IQCM: variants seen among roughly 807,000 people sequenced by gnomAD.
IQCM encodes the protein IQ domain-containing protein M.
In IQCM, 45 loss-of-function variants were observed where a neutral mutation model predicts 57.6. The observed-to-expected ratio is 0.78, with a 90% CI of 0.62 to 1.00. IQCM has a LOEUF of 1.00. Ranked by LOEUF, IQCM falls within the 50% of genes least tolerant of loss-of-function variation. The probability of loss-of-function intolerance (pLI) is 0.00; values close to 1 mark genes in which losing one functional copy is unlikely to be tolerated. For missense variants in IQCM, 468 were observed against 511.6 expected, an observed-to-expected ratio of 0.91 and a Z score of 0.82; for synonymous variants, 148 against 158.9, an observed-to-expected ratio of 0.93 and a Z score of 0.51.
chr4:149,494,373 T>G (rs889756928), intron 12 of IQCM, among the ~76,000 whole-genome samples: 1 of 152,148 alleles, frequency 6.6e-6, no homozygotes, highest in African/African-American at 2.4e-5. Context: ...TAGGTATGAA[T>G]GTCATTCAAA....
chr4:149,487,249 G>A (rs563668935), intron 12 of IQCM, among the ~76,000 whole-genome samples: 5 of 152,242 alleles, frequency 3.3e-5, no homozygotes, highest in East Asian at 3.9e-4. Flanking sequence ...CTGGAACAGG[G>A]ACCTCACAAC....
At chr4:149,767,408 T>C (rs1447169947) in intron 2 of IQCM, among the ~76,000 whole-genome samples, 1 of 152,108 alleles carries the variant, frequency 6.6e-6, no homozygotes, top group Non-Finnish European at 1.5e-5. Context: ...TGAAAGATTA[T>C]TACCTGTATT....
intron 13 of IQCM, among the ~76,000 whole-genome samples, chr4:149,371,171 A>G (rs1730342743): frequency 6.6e-6 from 1 of 152,166 alleles, no homozygotes; most frequent in Non-Finnish European, 1.5e-5. Flanking sequence ...TTTATAGGGT[A>G]AATATGCTCA....
intron 13 of IQCM, among the ~76,000 whole-genome samples, chr4:149,408,932 T>C (rs542678690): frequency 1.3e-5 from 2 of 152,314 alleles, no homozygotes; most frequent in South Asian, 4.1e-4. Context: ...TGCTTCAACC[T>C]AGCTGTTCAA....
At chr4:149,808,934 A>G (rs922697391) in intron 2 of IQCM, among the ~76,000 whole-genome samples, 1 of 152,208 alleles carries the variant, frequency 6.6e-6, no homozygotes, top group African/African-American at 2.4e-5. Flanking sequence ...GGAAGTAAAA[A>G]GGTAGCAAAC....
At chr4:149,489,241 T>A (rs187883979) in intron 12 of IQCM, among the ~76,000 whole-genome samples, 127 of 152,222 alleles carry the variant, frequency 8.3e-4, no homozygotes, top group African/African-American at 2.9e-3. Context: ...TGCATTTTTT[T>A]AAAATTTCGA....
At chr4:149,716,405 C>T (rs28578379) in intron 5 of IQCM, among the ~76,000 whole-genome samples, 36,109 of 152,138 alleles carry the variant, frequency 0.24, 4,468 homozygotes, top group African/African-American at 0.3. Flanking sequence ...GGCCAGCCAG[C>T]AGGAACAGGC....
At chr4:149,702,503 T>C (rs1334741727) in intron 5 of IQCM, among the ~76,000 whole-genome samples, 1 of 151,870 alleles carries the variant, frequency 6.6e-6, no homozygotes, top group African/African-American at 2.4e-5. Context: ...ACACCTGACA[T>C]AAATTAAGCA....
intron 7 of IQCM, among the ~76,000 whole-genome samples, chr4:149,663,496 C>G (rs541705966): frequency 6.6e-6 from 1 of 152,146 alleles, no homozygotes; most frequent in African/African-American, 2.4e-5. Context: ...TGAATTCCCT[C>G]AGCTTTTGCT....
At chr4:149,483,121 T>C (rs1246911697) in intron 12 of IQCM, among the ~76,000 whole-genome samples, 2 of 151,928 alleles carry the variant, frequency 1.3e-5, no homozygotes, top group African/African-American at 4.8e-5. Context: ...ATGTTTCCTT[T>C]TTCATCACTG....
chr4:149,633,438 T>A (rs2090162680), intron 7 of IQCM, among the ~76,000 whole-genome samples: 1 of 152,070 alleles, frequency 6.6e-6, no homozygotes, highest in African/African-American at 2.4e-5. Flanking sequence ...ATTAATGCTT[T>A]AGGTGTTATC....
At chr4:149,597,734 T>C (rs1753912550) in intron 8 of IQCM, among the ~76,000 whole-genome samples, 1 of 152,170 alleles carries the variant, frequency 6.6e-6, no homozygotes, top group Non-Finnish European at 1.5e-5. Context: ...ACAGAAATTA[T>C]AGAAGACAGA....
intron 8 of IQCM, among the ~76,000 whole-genome samples, chr4:149,606,313 G>A (rs899975156): frequency 2.0e-5 from 3 of 152,136 alleles, no homozygotes; most frequent in Non-Finnish European, 4.4e-5. Context: ...CCCAAGAGTT[G>A]CAATATTCCT....
chr4:149,685,460 G>C (rs1479890373), intron 6 of IQCM, among the ~76,000 whole-genome samples: 1 of 151,216 alleles, frequency 6.6e-6, no homozygotes, highest in Admixed American at 6.6e-5. Flanking sequence ...TAGTATTAAG[G>C]CTGTGTATAT....
intron 11 of IQCM, among the ~76,000 whole-genome samples, chr4:149,552,826 C>T (rs963871811): frequency 1.5e-4 from 23 of 152,158 alleles, no homozygotes; most frequent in Non-Finnish European, 2.8e-4. Flanking sequence ...GAGATTATCC[C>T]TTATTTCCTG....
intron 12 of IQCM, 78 bp downstream of exon 12, chr4:149,548,377 C>T: frequency 1.7e-6 from 2 of 1,148,114 alleles, no homozygotes; most frequent in Non-Finnish European, 2.2e-6. Flanking sequence ...AAGAGAACAA[C>T]TAAGGAAAGT....
intron 12 of IQCM, among the ~76,000 whole-genome samples, chr4:149,482,809 A>G (rs1372167334): frequency 3.3e-5 from 5 of 151,144 alleles, no homozygotes; most frequent in Admixed American, 6.6e-5. Context: ...ATTTGGAAAC[A>G]TGTTCTTCTT....
intron 2 of IQCM, among the ~76,000 whole-genome samples, chr4:149,759,599 T>C (rs566633420): frequency 6.6e-6 from 1 of 152,206 alleles, no homozygotes; most frequent in East Asian, 1.9e-4. Flanking sequence ...ATATAGGAAA[T>C]CTCTATACTT....
chr4:149,478,736 G>A (rs1740474184), intron 12 of IQCM, among the ~76,000 whole-genome samples: 1 of 152,026 alleles, frequency 6.6e-6, no homozygotes, highest in Admixed American at 6.6e-5. Flanking sequence ...CTGTACATGA[G>A]AATCTACAAG....
Sources: gnomAD v4.1 joint callset for allele counts (sites outside exome capture counted in the v4.1 genomes callset) on GRCh38, gnomAD v4.1.1 for gene constraint, MANE v1.5 for transcripts, NCBI Gene and HGNC (gene_info 2026-07-23, HGNC 2026-07-21) for gene names.